The following KCNAB3 variants were observed in gnomAD, a reference collection of about 807,000 sequenced individuals.
KCNAB3 encodes potassium voltage-gated channel subfamily A regulatory beta subunit 3, also known as voltage-gated potassium channel subunit beta-3.
In KCNAB3, 62 loss-of-function variants were observed where a neutral mutation model predicts 67.7. The observed-to-expected ratio is 0.92, with a 90% CI of 0.75 to 1.13. KCNAB3 has a LOEUF of 1.13. KCNAB3 is among the 50% of genes most tolerant of loss of function. The probability of loss-of-function intolerance (pLI) is 0.00; values close to 1 mark genes in which losing one functional copy is unlikely to be tolerated. For missense variants in KCNAB3, 514 were observed against 522.9 expected, an observed-to-expected ratio of 0.98 and a Z score of 0.17; for synonymous variants, 212 against 205.4, an observed-to-expected ratio of 1.03 and a Z score of -0.27.
At chr17:7,923,266 C>CAGT (rs1283577223) in intron 13 of KCNAB3, 87 bp from the exon 14 acceptor site, 2 of 1,406,996 alleles carry the variant, frequency 1.4e-6, no homozygotes, top group African/African-American at 2.8e-5. Flanking sequence ...GGAAGCACCA[C>CAGT]AGTGGGGTCA....
At chr17:7,924,731 A>G in intron 8 of KCNAB3, 2 of 1,325,550 alleles carry the variant, frequency 1.5e-6, no homozygotes, top group Non-Finnish European at 1.9e-6. Context: ...GGTTTGAGGA[A>G]GTGCTCAATT....
chr17:7,923,442 A>C lies in KCNAB3; in HGVS notation c.1137+14T>G. On this transcript the variant is annotated intron_variant, in intron 13 of 13. Transcript: ENST00000303790. ...GGGGGACAGATAGGCTCTGCCTCTG[A>C]GTCCCCGGCTCACCTGTAGCGCGCC... The C allele has an allele frequency of 6.2e-7, 1 of 1,602,658 alleles. No individual in the cohort carries two copies. Among genetic ancestry groups the C allele is most frequent in the Non-Finnish European group, 8.5e-7 (1 of 1,174,520 alleles).
chr17:7,926,450 T>C (rs1972235299), intron 4 of KCNAB3, among the ~76,000 whole-genome samples: 1 of 152,188 alleles, frequency 6.6e-6, no homozygotes, highest in South Asian at 2.1e-4. Context: ...CCCTCCTCCT[T>C]CTTTGAGCCT....
Position 7,924,021 on chromosome 17 carries a change from T to C in KCNAB3, c.874A>G (p.Ile292Val), listed in dbSNP as rs754705110. Residue 292 changes from isoleucine to valine, a missense_variant, in exon 11 of 14, where the codon ATT (isoleucine) becomes GTT (valine). Physicochemically the swap from Ile to Val is conservative, Grantham distance 29 (BLOSUM62 3). Transcript: ENST00000303790. Reference protein sequence around the residue: ...VTWYPLACGLITSKYDGRVPD... With the variant: ...VTWYPLACGLVTSKYDGRVPD... Reference sequence around the variant, plus strand: ...ACTCGCCCATCATACTTGCTAGTAATGAGACCACAGGCTAGAGGGTACCAA... The same window carrying C: ...ACTCGCCCATCATACTTGCTAGTAACGAGACCACAGGCTAGAGGGTACCAA... 1 of 1,613,542 alleles carries C rather than the reference T, an allele frequency of 6.2e-7. No homozygotes were observed. The highest frequency in any genetic ancestry group is 8.5e-7 in the Non-Finnish European group (1 of 1,179,814).
chr17:7,929,398 C>A lies in KCNAB3; in HGVS notation c.38G>T (p.Arg13Leu), dbSNP rs1402347499. Residue 13 changes from arginine (R) to leucine (L), a missense_variant, in exon 1 of 14, where the codon CGC becomes CTC. Physicochemically the swap from Arg to Leu is moderately radical, Grantham distance 102. Transcript: ENST00000303790. This position sits in a 1 kb window ranked among gnomAD's most constrained non-coding sequence, Gnocchi z 5.7. Reference protein sequence around the residue: ...VSIACTEQNLRSRSSEDRLCG... With the variant: ...VSIACTEQNLLSRSSEDRLCG... ...CAGACGGTCCTCACTGCTCCGGCTGCGAAGGTTCTGCTCGGTACACGCGAT... is the reference window on the plus strand; with the variant it reads ...CAGACGGTCCTCACTGCTCCGGCTGAGAAGGTTCTGCTCGGTACACGCGAT... 1 of 1,548,372 alleles carries A rather than the reference C, an allele frequency of 6.5e-7. No individual in the cohort carries two copies. Among genetic ancestry groups the A allele is most frequent in the South Asian group, 1.2e-5 (1 of 84,000 alleles).
rs1972160913 is a variant in KCNAB3 at position 7,924,510 on chromosome 17, C to T, written c.626-10G>A. The T allele has an allele frequency of 1.2e-6, 2 of 1,610,096 alleles. No homozygotes were observed. Among genetic ancestry groups the T allele is most frequent in the East Asian group, 2.2e-5 (1 of 44,832 alleles). ...ATGGCTCGCACAATCTCTAGGTACACAGGAGAGGGAAAGCCTTACTGTCAG... is the reference window on the plus strand; with the variant it reads ...ATGGCTCGCACAATCTCTAGGTACATAGGAGAGGGAAAGCCTTACTGTCAG... On this transcript the variant is annotated splice_polypyrimidine_tract_variant and intron_variant, in intron 8 of 13. Transcript: ENST00000303790.
intron 1 of KCNAB3, chr17:7,928,355 GA>G: frequency 5.8e-6 from 1 of 171,912 alleles, no homozygotes; most frequent in Non-Finnish European, 1.3e-5. Context: ...GACCTGGGGG[GA>G]GGGGGGAGAG....
At chr17:7,924,548 T>C in intron 8 of KCNAB3, 48 bp from the exon 9 acceptor site, 2 of 1,556,804 alleles carry the variant, frequency 1.3e-6, no homozygotes, top group Non-Finnish European at 1.7e-6. Flanking sequence ...CCCTGGAATC[T>C]AAGACTCCAG....
At chr17:7,924,758 T>G in intron 8 of KCNAB3, 1 of 1,199,122 alleles carries the variant, frequency 8.3e-7, no homozygotes, top group Non-Finnish European at 1.1e-6. Flanking sequence ...TTTTAGATTT[T>G]TTGAGACAGG....
In KCNAB3 at chr17:7,924,440, G is replaced by A. The variant is rs769321398; in HGVS notation, c.686C>T (p.Ser229Phe). ...NQGLALYWGTSRWGAAEIMEA... is the reference protein window; with the variant it reads ...NQGLALYWGTFRWGAAEIMEA... ...CATGATTTCTGCAGCCCCCCATCGGGATGTCCCCCAGTATAGGGCCAGGCC... is the reference window on the plus strand; with the variant it reads ...CATGATTTCTGCAGCCCCCCATCGGAATGTCCCCCAGTATAGGGCCAGGCC... The change falls in exon 9 of 14, where the codon TCC becomes TTC. Residue 229 changes from serine to phenylalanine, a missense_variant. Transcript: ENST00000303790. The A allele has an allele frequency of 1.2e-6, 2 of 1,614,062 alleles. No homozygotes were observed. The highest frequency in any genetic ancestry group is 1.1e-5 in the South Asian group (1 of 91,060).
intron 4 of KCNAB3, 41 bp from the exon 5 acceptor site, chr17:7,926,144 C>T: frequency 6.2e-7 from 1 of 1,609,596 alleles, no homozygotes; most frequent in Non-Finnish European, 8.5e-7. Flanking sequence ...CCCTTCTAGG[C>T]CAATCAATTC....
Position 7,922,977 on chromosome 17 carries a change from G to T in KCNAB3, c.*125C>A. ...TCACTACTCGAAGCCGGGACTCGTTGGTGGGCGGGGCTAGTCTGGCTCCGG... is the reference window on the plus strand; with the variant it reads ...TCACTACTCGAAGCCGGGACTCGTTTGTGGGCGGGGCTAGTCTGGCTCCGG... On this transcript the variant is annotated 3_prime_UTR_variant, in exon 14 of 14. Transcript: ENST00000303790. The T allele has an allele frequency of 1.2e-6, 1 of 842,172 alleles. No homozygotes were observed. The highest frequency in any genetic ancestry group is 2.0e-6 in the Non-Finnish European group (1 of 497,092). 52.2% of individuals were successfully genotyped at this position (842,172 alleles called of 1,614,324 possible). A position where few individuals can be genotyped will look rare whatever the true frequency, so the allele number is the denominator to read the frequency against.
In KCNAB3 at chr17:7,923,448, C is replaced by CGGCTCACCT; in HGVS notation, c.1136_1137+7dup. The CGGCTCACCT allele has an allele frequency of 6.2e-7, 1 of 1,604,806 alleles. No homozygotes were observed. Among genetic ancestry groups the CGGCTCACCT allele is most frequent in the Non-Finnish European group, 8.5e-7 (1 of 1,175,728 alleles). On this transcript the variant is annotated splice_region_variant and intron_variant, in intron 13 of 13. Coordinates refer to ENST00000303790, the MANE Select transcript of KCNAB3 (RefSeq NM_004732.4). ...CAGATAGGCTCTGCCTCTGAGTCCC[C>CGGCTCACCT]GGCTCACCTGTAGCGCGCCCAGGTG... is the stretch of plus-strand genomic sequence containing the variant.
At chr17:7,926,171 C>T (rs1434678656) in intron 4 of KCNAB3, 68 bp from the exon 5 acceptor site, 30 of 1,572,586 alleles carry the variant, frequency 1.9e-5, no homozygotes, top group Non-Finnish European at 2.6e-5. Flanking sequence ...CTCCTCCCCA[C>T]CTTTTCCTCT....
chr17:7,922,953 C>T lies in KCNAB3; in HGVS notation c.*149G>A. 3 of 709,252 alleles carry T rather than the reference C, an allele frequency of 4.2e-6. No individual in the cohort carries two copies. The highest frequency in any genetic ancestry group is 7.6e-6 in the Non-Finnish European group (3 of 397,254). The allele number at this position is 709,252 out of a possible 1,614,324, so 43.9% of individuals were successfully genotyped here. A position where few individuals can be genotyped will look rare whatever the true frequency, so the allele number is the denominator to read the frequency against. On this transcript the variant is annotated 3_prime_UTR_variant, in exon 14 of 14. Transcript: ENST00000303790. ...AGGATATGGCTTTGTTCATGCGTAT[C>T]ACTACTCGAAGCCGGGACTCGTTGG... is the stretch of plus-strand genomic sequence containing the variant.
Position 7,926,085 on chromosome 17 carries a change from C to T in KCNAB3, c.423G>A (p.Gly141=), listed in dbSNP as rs1447056553. 1 of 1,614,018 alleles carries T rather than the reference C, an allele frequency of 6.2e-7. No homozygotes were observed. Among genetic ancestry groups the T allele is most frequent in the East Asian group, 2.2e-5 (1 of 44,902 alleles). Reference sequence around the variant, plus strand: ...TCCAACCTTTGCTCTTGAGGATGTTCCCTAGGGTTCTTTCAGCCCTAAAAG... The same window carrying T: ...TCCAACCTTTGCTCTTGAGGATGTTTCCTAGGGTTCTTTCAGCCCTAAAAG... The part of the protein sequence containing the change: ...YAAGKAERTL[G]NILKSKGWRR... Residue 141 remains glycine, a synonymous_variant, in exon 5 of 14, where the codon GGG becomes GGA. Coordinates refer to ENST00000303790, the MANE Select transcript of KCNAB3 (RefSeq NM_004732.4).
chr17:7,923,672 C>A, intron 12 of KCNAB3, 39 bp downstream of exon 12: 2 of 1,552,650 alleles, frequency 1.3e-6, no homozygotes, highest in South Asian at 2.4e-5. Flanking sequence ...GGGAGCATGT[C>A]AGGAGGAGAC....
At chr17:7,927,628 AC>A (rs1972277941) in intron 3 of KCNAB3, 28 bp downstream of exon 3, 1 of 1,613,114 alleles carries the variant, frequency 6.2e-7, no homozygotes, top group Non-Finnish European at 8.5e-7. Context: ...CACCCCCACC[AC>A]CCTGATTCTA....
chr17:7,923,328 G>A, intron 13 of KCNAB3, 128 bp downstream of exon 13: 1 of 1,243,238 alleles, frequency 8.0e-7, no homozygotes, highest in East Asian at 2.4e-5. Context: ...TCCGGCCCTG[G>A]GACCTCTCAC....
Sources: gnomAD v4.1 joint callset for allele counts (sites outside exome capture counted in the v4.1 genomes callset) on GRCh38, gnomAD v4.1.1 for gene constraint, Gnocchi (gnomAD v3.1) non-coding constraint, MANE v1.5 for transcripts, NCBI Gene and HGNC (gene_info 2026-07-23, HGNC 2026-07-21) for gene names.